PWP1: variants seen among roughly 807,000 people sequenced by gnomAD.
PWP1 encodes the protein PWP1 homolog, endonuclein, also known as periodic tryptophan protein 1 homolog.
PWP1 carries 47 observed loss-of-function variants against 69.9 expected under a neutral mutation model. The ratio of observed to expected loss-of-function variants is 0.67; its 90% CI spans 0.53 to 0.86. PWP1 has a LOEUF of 0.86. PWP1 is among the 40% of genes least tolerant of loss of function. The probability of loss-of-function intolerance (pLI) is 0.00; values close to 1 mark genes in which losing one functional copy is unlikely to be tolerated. For synonymous variants in PWP1, 222 were observed against 208.2 expected, an observed-to-expected ratio of 1.07 and a Z score of -0.57; for missense variants, 551 against 608.8, an observed-to-expected ratio of 0.91 and a Z score of 1.00.
At chr12:107,704,974 G>A (rs114730069) in intron 11 of PWP1, among the ~76,000 whole-genome samples, 1,539 of 152,014 alleles carry the variant, frequency 0.01, 25 homozygotes, top group African/African-American at 0.035. Context: ...TCCAAAGTGT[G>A]CCACGTTTTA....
At chr12:107,701,772 G>A (rs945952376) in intron 8 of PWP1, among the ~76,000 whole-genome samples, 2 of 152,094 alleles carry the variant, frequency 1.3e-5, no homozygotes, top group African/African-American at 2.4e-5. Flanking sequence ...CCACCTCTGG[G>A]GTTCAAGTGA....
At chr12:107,706,269 A>G (rs1187887676) in intron 11 of PWP1, among the ~76,000 whole-genome samples, 1 of 151,966 alleles carries the variant, frequency 6.6e-6, no homozygotes, top group African/African-American at 2.4e-5. Flanking sequence ...AATTTGTTTG[A>G]GTTCATTGTA....
chr12:107,711,357 C>T (rs1389914664), intron 14 of PWP1, among the ~76,000 whole-genome samples: 1 of 152,182 alleles, frequency 6.6e-6, no homozygotes, highest in Non-Finnish European at 1.5e-5. Context: ...GAACATGTTA[C>T]GGTGCTGAAG....
intron 11 of PWP1, among the ~76,000 whole-genome samples, chr12:107,706,621 T>C (rs970397630): frequency 2.0e-5 from 3 of 152,236 alleles, no homozygotes; most frequent in Non-Finnish European, 2.9e-5. Context: ...TACATATGGC[T>C]AGCCAGTTTT....
rs182143188 is a variant in PWP1 at position 107,702,294 on chromosome 12, G to C, written c.807-641G>C. ...ATAGTAGTACATCCTGTTTTGTTTT[G>C]TTTTGAGACAGAGTCTCACTCTGTT... On this transcript the variant is annotated intron_variant, in intron 8 of 14. Coordinates refer to ENST00000412830, the MANE Select transcript of PWP1 (RefSeq NM_007062.3). 2.2e-3 allele frequency among the ~76,000 whole-genome samples: 333 copies of C among 150,494 alleles called. 3 individuals carry two copies. The highest frequency in any genetic ancestry group is 7.9e-3 in the African/African-American group (325 of 41,020).
rs969744393 is a variant in PWP1 at position 107,688,452 on chromosome 12, A to G, written c.77A>G (p.Glu26Gly). The G allele has an allele frequency of 6.2e-6, 10 of 1,613,724 alleles. No individual in the cohort carries two copies. The highest frequency in any genetic ancestry group is 7.6e-6 in the Non-Finnish European group (9 of 1,179,864). The change falls in exon 2 of 15, where the codon GAG (glutamate) becomes GGG (glycine). Residue 26 changes from glutamate to glycine, a missense_variant. By Grantham distance (98) the Glu-to-Gly change is moderately conservative. Coordinates refer to ENST00000412830, the MANE Select transcript of PWP1 (RefSeq NM_007062.3). Reference sequence around the variant, plus strand: ...GAAATCTTTGCTCTCTTACAGGTAGAGCTGAGTAAAGAAGAAGTAAAACGC... The same window carrying G: ...GAAATCTTTGCTCTCTTACAGGTAGGGCTGAGTAAAGAAGAAGTAAAACGC... ...GVAKETPDKV[E>G]LSKEEVKRLI...
intron 13 of PWP1, 104 bp downstream of exon 13, chr12:107,709,336 C>T: frequency 7.2e-7 from 1 of 1,382,016 alleles, no homozygotes; most frequent in Non-Finnish European, 9.9e-7. Context: ...ATTGCATTAA[C>T]AAATATGGAT....
intron 8 of PWP1, among the ~76,000 whole-genome samples, chr12:107,700,995 A>G (rs1379747276): frequency 6.6e-6 from 1 of 152,020 alleles, no homozygotes; most frequent in Non-Finnish European, 1.5e-5. Flanking sequence ...TTCCCAAGTC[A>G]CTTGGAGTAC....
At position 107,699,502 on chromosome 12, in the gene PWP1, A is replaced by C. The variant is rs1889661753; in HGVS notation, c.806+68A>C. ...CATTGTGATCTTACCTCATGCCTAC[A>C]CTCATCTCTTTATTTGTGCTGTGGA... is the stretch of plus-strand genomic sequence containing the variant. On this transcript the variant is annotated intron_variant, in intron 8 of 14. Coordinates refer to ENST00000412830, the MANE Select transcript of PWP1 (RefSeq NM_007062.3). 1.5e-5 allele frequency: 19 copies of C among 1,262,968 alleles called. No individual in the cohort carries two copies. In the East Asian group the frequency reaches 4.2e-4, roughly 28 times the overall value. The allele number at this position is 1,262,968 out of a possible 1,614,324, so 78.2% of individuals were successfully genotyped here. A position where few individuals can be genotyped will look rare whatever the true frequency, so the allele number is the denominator to read the frequency against.
At position 107,696,493 on chromosome 12, in the gene PWP1, C is replaced by T. The variant is rs1038485272; in HGVS notation, c.522C>T (p.Asp174=). The T allele has an allele frequency of 5.0e-6, 8 of 1,613,458 alleles. No individual in the cohort carries two copies. The East Asian group carries it at 6.7e-5, about 13-fold the overall frequency. ...TTTCAGTTTATAATCAAGAAGAAGA[C>T]TCTTTTTATGTACACCATGATATAC... The part of the protein sequence containing the change: ...LEVHVYNQEE[D]SFYVHHDILL... The change falls in exon 6 of 15, where the codon GAC becomes GAT. Residue 174 remains aspartate, a synonymous_variant. Transcript: ENST00000412830.
intron 5 of PWP1, among the ~76,000 whole-genome samples, chr12:107,694,442 T>C (rs1438256495): frequency 1.3e-5 from 2 of 152,214 alleles, no homozygotes; most frequent in Admixed American, 6.5e-5. Context: ...ATGGCTTCCA[T>C]TGATTAGCTT....
chr12:107,703,799 C>T, intron 10 of PWP1, 53 bp downstream of exon 10: 5 of 1,504,764 alleles, frequency 3.3e-6, no homozygotes, highest in Non-Finnish European at 4.6e-6. Context: ...CTCTAGAAGT[C>T]ATTTTAAGAG....
intron 11 of PWP1, among the ~76,000 whole-genome samples, chr12:107,705,089 T>C (rs1050432797): frequency 3.3e-5 from 5 of 152,182 alleles, no homozygotes; most frequent in Admixed American, 2.6e-4. Flanking sequence ...TGATATTCTT[T>C]TCTTTAAATC....
intron 1 of PWP1, among the ~76,000 whole-genome samples, chr12:107,687,892 G>T (rs1329056054): frequency 1.3e-5 from 2 of 152,064 alleles, no homozygotes; most frequent in South Asian, 4.2e-4. Flanking sequence ...TTAGCTGGGC[G>T]TGGTGGCGCG....
intron 3 of PWP1, among the ~76,000 whole-genome samples, chr12:107,691,866 G>C (rs1392455549): frequency 6.6e-6 from 1 of 152,128 alleles, no homozygotes. Flanking sequence ...GCAGTACTTA[G>C]AAAGGAATCA....
In PWP1 at chr12:107,688,505, C is replaced by T. The variant is rs1889418661; in HGVS notation, c.130C>T (p.Gln44Ter). ...CATTGCTGAGGCAAAGGAGAAATTGCAGTAAGTTTAGGACCAGATGAAATC... is the reference window on the plus strand; with the variant it reads ...CATTGCTGAGGCAAAGGAGAAATTGTAGTAAGTTTAGGACCAGATGAAATC... ...RLIAEAKEKL[Q>*]EEGGGSDEEE... The change falls in exon 2 of 15, where the codon CAA (glutamine) becomes TAA (stop). Residue 44 changes from glutamine to a stop codon, truncating the protein, a stop_gained and splice_region_variant. Transcript: ENST00000412830. LOFTEE classifies it high-confidence loss of function. The T allele has an allele frequency of 6.2e-7, 1 of 1,613,762 alleles. No individual in the cohort carries two copies. Among genetic ancestry groups the T allele is most frequent in the South Asian group, 1.1e-5 (1 of 91,038 alleles).
intron 3 of PWP1, among the ~76,000 whole-genome samples, chr12:107,689,048 A>G (rs1889431480): frequency 6.6e-6 from 1 of 152,226 alleles, no homozygotes; most frequent in African/African-American, 2.4e-5. Context: ...ATCAGGTTTA[A>G]TAATCTGTAA....
intron 8 of PWP1, among the ~76,000 whole-genome samples, chr12:107,699,649 T>C (rs1462330292): frequency 2.6e-5 from 4 of 152,146 alleles, no homozygotes; most frequent in African/African-American, 7.2e-5. Context: ...CATTGCATGT[T>C]TGGTGACCAA....
At chr12:107,702,798 A>G (rs1889738972) in intron 8 of PWP1, 137 bp from the exon 9 acceptor site, 1 of 634,520 alleles carries the variant, frequency 1.6e-6, no homozygotes, top group African/African-American at 1.9e-5. Flanking sequence ...TTCATTATGT[A>G]AGTCTTACAT....
Sources: gnomAD v4.1 joint callset for allele counts (sites outside exome capture counted in the v4.1 genomes callset) on GRCh38, gnomAD v4.1.1 for gene constraint, MANE v1.5 for transcripts, NCBI Gene and HGNC (gene_info 2026-07-23, HGNC 2026-07-21) for gene names.